CHP1: variants seen among roughly 807,000 people sequenced by gnomAD.
CHP1 encodes the protein calcineurin B homologous protein 1.
A neutral mutation model predicts 27.4 loss-of-function variants in CHP1; 11 were observed. The observed-to-expected ratio is 0.40, with a 90% confidence interval of 0.25 to 0.67. The LOEUF is 0.67. Ranked by LOEUF, CHP1 falls within the 30% of genes least tolerant of loss-of-function variation. The pLI, the probability that CHP1 is intolerant of heterozygous loss-of-function variation, is 0.38. For missense variants in CHP1, 169 were observed against 251.3 expected, an observed-to-expected ratio of 0.67 and a Z score of 2.22; for synonymous variants, 89 against 87.4, an observed-to-expected ratio of 1.02 and a Z score of -0.10.
At chr15:41,233,938 TTTTTTC>T (rs1373412021) in intron 1 of CHP1, among the ~76,000 whole-genome samples, 1 of 152,088 alleles carries the variant, frequency 6.6e-6, no homozygotes, top group Non-Finnish European at 1.5e-5. Flanking sequence ...ATCAGAGTTG[TTTTTTC>T]TTTTTCTTTT....
rs1393748672 is a variant in CHP1 at position 41,281,360 on chromosome 15, G to T, written c.*1971G>T. On this transcript the variant is annotated 3_prime_UTR_variant, in exon 7 of 7. Coordinates refer to ENST00000334660, the MANE Select transcript of CHP1 (RefSeq NM_007236.5). ...TAGCACAACCTAAGGTGGCATTACA[G>T]ATCTTTGAGCGAGCCACAGCAACTT... 4 of 152,612 alleles carry T rather than the reference G, an allele frequency of 2.6e-5. No individual in the cohort carries two copies. Among genetic ancestry groups the T allele is most frequent in the East Asian group, 3.8e-4 (2 of 5,198 alleles). The allele number at this position is 152,612 out of a possible 1,614,324, so 9.5% of individuals were successfully genotyped here.
chr15:41,261,957 A>G (rs2047435479), intron 3 of CHP1, among the ~76,000 whole-genome samples: 1 of 150,272 alleles, frequency 6.7e-6, no homozygotes. Flanking sequence ...GCGCCATTGC[A>G]TTCCAGCCTG....
intron 2 of CHP1, among the ~76,000 whole-genome samples, chr15:41,248,417 C>T (rs1429870105): frequency 6.6e-6 from 1 of 152,022 alleles, no homozygotes; most frequent in Non-Finnish European, 1.5e-5. Context: ...TGGTGCTTCT[C>T]CTGTTATTTT....
chr15:41,262,727 GTGT>G (rs747443220), intron 3 of CHP1, 26 bp from the exon 4 acceptor site: 25 of 1,610,484 alleles, frequency 1.6e-5, no homozygotes, highest in African/African-American at 2.7e-5. Flanking sequence ...GATTGACATG[GTGT>G]TGTGTTTGTT....
intron 6 of CHP1, 53 bp downstream of exon 6, chr15:41,278,942 G>A: frequency 6.2e-7 from 1 of 1,607,332 alleles, no homozygotes; most frequent in Non-Finnish European, 8.5e-7. Context: ...GCTGGGCGCG[G>A]TGGCTTACGC....
At chr15:41,254,676 A>G (rs770062089) in intron 2 of CHP1, among the ~76,000 whole-genome samples, 1 of 152,218 alleles carries the variant, frequency 6.6e-6, no homozygotes, top group African/African-American at 2.4e-5. Flanking sequence ...CTTTGTGTTC[A>G]GTCCACTAGG....
At chr15:41,262,170 A>G (rs2140936705) in intron 3 of CHP1, among the ~76,000 whole-genome samples, 1 of 152,244 alleles carries the variant, frequency 6.6e-6, no homozygotes, top group African/African-American at 2.4e-5. Context: ...CTCAAAATAA[A>G]TAAATAAAGC....
chr15:41,270,978 G>A (rs1020112400), intron 5 of CHP1, among the ~76,000 whole-genome samples: 4 of 152,100 alleles, frequency 2.6e-5, no homozygotes, highest in African/African-American at 7.2e-5. Flanking sequence ...GCCATCGGCC[G>A]GGCGCTTTGG....
chr15:41,239,337 G>A (rs1163672628), intron 1 of CHP1, among the ~76,000 whole-genome samples: 1 of 146,004 alleles, frequency 6.8e-6, no homozygotes, highest in Non-Finnish European at 1.5e-5. Flanking sequence ...TTTTTTTAAT[G>A]TTTTGGCTAC....
chr15:41,275,515 G>A (rs1239061390), intron 5 of CHP1, among the ~76,000 whole-genome samples: 4 of 152,130 alleles, frequency 2.6e-5, no homozygotes, highest in African/African-American at 9.7e-5. Flanking sequence ...ATACAAATCA[G>A]TATTTCAGCT....
intron 2 of CHP1, among the ~76,000 whole-genome samples, chr15:41,250,546 A>G (rs1406035057): frequency 6.6e-6 from 1 of 151,894 alleles, no homozygotes; most frequent in African/African-American, 2.4e-5. Flanking sequence ...CAGCCTGGGC[A>G]GTAAGAGTGA....
chr15:41,238,493 A>G (rs914454775), intron 1 of CHP1, among the ~76,000 whole-genome samples: 9 of 151,990 alleles, frequency 5.9e-5, no homozygotes, highest in African/African-American at 2.2e-4. Flanking sequence ...TCTTTTAACA[A>G]TTTAAAATGA....
chr15:41,254,409 T>C (rs780087978), intron 2 of CHP1, among the ~76,000 whole-genome samples: 7 of 152,262 alleles, frequency 4.6e-5, no homozygotes, highest in African/African-American at 1.4e-4. Flanking sequence ...TGAGTAGTTA[T>C]TGTTTCTTGA....
At chr15:41,270,211 A>G (rs1407349593) in intron 4 of CHP1, among the ~76,000 whole-genome samples, 2 of 151,682 alleles carry the variant, frequency 1.3e-5, no homozygotes, top group African/African-American at 2.4e-5. Context: ...GGTACCTGGT[A>G]GATTTGATGT....
At chr15:41,263,418 A>G (rs565457843) in intron 4 of CHP1, among the ~76,000 whole-genome samples, 1 of 152,272 alleles carries the variant, frequency 6.6e-6, no homozygotes, top group Non-Finnish European at 1.5e-5. Context: ...TTTAATTTTT[A>G]TACCCGTGTC....
intron 5 of CHP1, 102 bp from the exon 6 acceptor site, chr15:41,278,665 C>T: frequency 1.4e-6 from 2 of 1,398,296 alleles, no homozygotes; most frequent in Non-Finnish European, 2.0e-6. Flanking sequence ...TATTTGAGGG[C>T]ATCAAAGGAA....
At chr15:41,271,490 AG>A (rs2140942009) in intron 5 of CHP1, among the ~76,000 whole-genome samples, 1 of 152,318 alleles carries the variant, frequency 6.6e-6, no homozygotes, top group African/African-American at 2.4e-5. Flanking sequence ...GTACTGTCTG[AG>A]ATTTACATCA....
chr15:41,254,637 G>A (rs969450938), intron 2 of CHP1, among the ~76,000 whole-genome samples: 1 of 152,168 alleles, frequency 6.6e-6, no homozygotes, highest in Admixed American at 6.6e-5. Flanking sequence ...GGTCAAGAAG[G>A]ACTAGAATCC....
intron 2 of CHP1, among the ~76,000 whole-genome samples, chr15:41,244,418 T>A (rs2047323208): frequency 6.6e-6 from 1 of 152,152 alleles, no homozygotes; most frequent in Non-Finnish European, 1.5e-5. Flanking sequence ...TAGGTTGTTT[T>A]GTCTTCTTTT....
Sources: gnomAD v4.1 joint callset for allele counts (sites outside exome capture counted in the v4.1 genomes callset) on GRCh38, gnomAD v4.1.1 for gene constraint, MANE v1.5 for transcripts, NCBI Gene and HGNC (gene_info 2026-07-23, HGNC 2026-07-21) for gene names.